Variants in KIAA1958 observed in about 807,000 individuals in gnomAD.
KIAA1958 encodes KIAA1958, also known as uncharacterized protein KIAA1958.
Under a neutral mutation model 47.2 loss-of-function variants are expected in KIAA1958, and 14 were observed. The ratio of observed to expected loss-of-function variants is 0.30; its 90% confidence interval spans 0.20 to 0.46. The LOEUF (loss-of-function observed/expected upper bound fraction) is 0.46, where lower values mean the gene tolerates loss of function less well. KIAA1958 is among the 20% of genes least tolerant of loss of function. The pLI is 1.00. For missense variants in KIAA1958, 803 were observed against 909.2 expected, an observed-to-expected ratio of 0.88 and a Z score of 1.50; for synonymous variants, 354 against 353.3, an observed-to-expected ratio of 1.00 and a Z score of -0.02.
At chr9:112,542,546 A>G (rs145416658) in intron 1 of KIAA1958, among the ~76,000 whole-genome samples, 18 of 152,366 alleles carry the variant, frequency 1.2e-4, no homozygotes, top group African/African-American at 4.1e-4. Flanking sequence ...AAATCCTGCT[A>G]TGAAGCAGAG....
chr9:112,490,954 C>T lies in KIAA1958; in HGVS notation c.-25+3836C>T, dbSNP rs187018479. Among the ~76,000 whole-genome samples, 116 of 152,288 alleles carry T rather than the reference C, an allele frequency of 7.6e-4. 2 individuals carry two copies. The highest frequency in any genetic ancestry group is 2.5e-3 in the South Asian group (12 of 4,830). On this transcript the variant is annotated intron_variant, in intron 1 of 3. Coordinates refer to ENST00000337530, the MANE Select transcript of KIAA1958 (RefSeq NM_133465.4). ...TTATGTATCAAAAGAAATTATACAA[C>T]TTTGATGTGAGATATAACATTATGT...
At chr9:112,549,343 A>G (rs1835099866) in intron 1 of KIAA1958, among the ~76,000 whole-genome samples, 1 of 152,192 alleles carries the variant, frequency 6.6e-6, no homozygotes, top group African/African-American at 2.4e-5. Context: ...TCTCCGTACT[A>G]TTACAAATTA....
intron 1 of KIAA1958, among the ~76,000 whole-genome samples, chr9:112,572,333 T>C (rs1408154237): frequency 2.0e-5 from 3 of 151,988 alleles, no homozygotes; most frequent in African/African-American, 7.3e-5. Flanking sequence ...TCATTCATTC[T>C]TCATTCATTT....
intron 2 of KIAA1958, among the ~76,000 whole-genome samples, chr9:112,611,784 G>A (rs1335186623): frequency 2.6e-5 from 4 of 151,960 alleles, no homozygotes; most frequent in African/African-American, 9.7e-5. Context: ...GGAATGTTCT[G>A]AAATAATAGA....
intron 2 of KIAA1958, among the ~76,000 whole-genome samples, chr9:112,622,465 T>C (rs894053957): frequency 2.0e-5 from 3 of 152,224 alleles, no homozygotes; most frequent in African/African-American, 7.2e-5. Flanking sequence ...TTGAAAACCA[T>C]AGATGCTAGC....
At position 112,647,086 on chromosome 9, in the gene KIAA1958, G is replaced by A. The variant is rs79165164; in HGVS notation, c.1344+1264G>A. On this transcript the variant is annotated intron_variant, in intron 3 of 3. Transcript: ENST00000337530. ...AGATGAAATAGGACAGGAAACCCAGGTTTCTACTTCTGGCACCATGGTACA... is the reference window on the plus strand; with the variant it reads ...AGATGAAATAGGACAGGAAACCCAGATTTCTACTTCTGGCACCATGGTACA... 7.6e-3 allele frequency among the ~76,000 whole-genome samples: 1,151 copies of A among 152,040 alleles called. 21 individuals carry two copies. Among genetic ancestry groups the A allele is most frequent in the South Asian group, 0.06 (287 of 4,814 alleles).
At chr9:112,657,886 C>G (rs1332963418) in intron 3 of KIAA1958, among the ~76,000 whole-genome samples, 1 of 148,050 alleles carries the variant, frequency 6.8e-6, no homozygotes, top group East Asian at 2.0e-4. Context: ...GACAGAGTTT[C>G]GCTCTTGTCA....
At chr9:112,563,085 C>CTCTCTATA (rs10655286) in intron 1 of KIAA1958, among the ~76,000 whole-genome samples, 30,366 of 131,190 alleles carry the variant, frequency 0.23, 3,632 homozygotes, top group Non-Finnish European at 0.26. Context: ...CTCTCTCTCT[C>CTCTCTATA]TATATATATA....
intron 1 of KIAA1958, among the ~76,000 whole-genome samples, chr9:112,491,566 T>C (rs1833970455): frequency 6.6e-6 from 1 of 151,782 alleles, no homozygotes; most frequent in Non-Finnish European, 1.5e-5. Context: ...TTGTTTTTTT[T>C]GTTTTTTTTT....
intron 3 of KIAA1958, among the ~76,000 whole-genome samples, chr9:112,657,906 G>T (rs1315476979): frequency 1.3e-5 from 2 of 151,380 alleles, no homozygotes; most frequent in East Asian, 3.9e-4. Flanking sequence ...ACCCAGGCTG[G>T]AGTGCAGTGG....
intron 2 of KIAA1958, among the ~76,000 whole-genome samples, chr9:112,604,532 C>T (rs1486257083): frequency 6.6e-6 from 1 of 152,078 alleles, no homozygotes; most frequent in Non-Finnish European, 1.5e-5. Flanking sequence ...TCACCTATAC[C>T]TTCTTTAAGA....
At chr9:112,502,747 T>A (rs1834164423) in intron 1 of KIAA1958, among the ~76,000 whole-genome samples, 1 of 152,260 alleles carries the variant, frequency 6.6e-6, no homozygotes, top group African/African-American at 2.4e-5. Context: ...ATTGGCAGAA[T>A]TGAGTAGTTA....
chr9:112,489,922 G>A (rs1279063680), intron 1 of KIAA1958, among the ~76,000 whole-genome samples: 2 of 152,192 alleles, frequency 1.3e-5, no homozygotes, highest in Admixed American at 6.5e-5. Context: ...GTTTTCATTA[G>A]CAATAAATGG....
chr9:112,658,066 A>G (rs111907869), intron 3 of KIAA1958, among the ~76,000 whole-genome samples: 4,344 of 152,266 alleles, frequency 0.029, 224 homozygotes, highest in African/African-American at 0.1. Flanking sequence ...CATGTTGGCC[A>G]GGCTGGTCTT....
intron 1 of KIAA1958, among the ~76,000 whole-genome samples, chr9:112,545,669 A>G (rs1371029710): frequency 6.6e-6 from 1 of 152,086 alleles, no homozygotes; most frequent in Non-Finnish European, 1.5e-5. Flanking sequence ...GAGTTTTTCT[A>G]CTTACAGAGC....
rs1165529957 is a variant in KIAA1958, at chr9:112,666,622, A to G, written c.*6553A>G. 6.6e-5 allele frequency: 10 copies of G among 152,248 alleles called. No individual in the cohort carries two copies. The highest frequency in any genetic ancestry group is 3.3e-4 in the Admixed American group (5 of 15,280). The allele number at this position is 152,248 out of a possible 1,614,324, so 9.4% of individuals were successfully genotyped here. ...AGGCCAAATCTCAATTCTAGAATCTAGAAGGAATTGATGTAATTTATGAGG... is the reference window on the plus strand; with the variant it reads ...AGGCCAAATCTCAATTCTAGAATCTGGAAGGAATTGATGTAATTTATGAGG... On this transcript the variant is annotated 3_prime_UTR_variant, in exon 4 of 4. Coordinates refer to ENST00000337530, the MANE Select transcript of KIAA1958 (RefSeq NM_133465.4).
intron 1 of KIAA1958, 124 bp from the exon 2 acceptor site, chr9:112,573,933 G>T (rs950897712): frequency 9.0e-6 from 5 of 553,754 alleles, no homozygotes; most frequent in African/African-American, 7.5e-5. Context: ...ACCTTAACTA[G>T]ATTCAGTTTT....
In KIAA1958 at chr9:112,495,473, A is replaced by C. The variant is rs367977072; in HGVS notation, c.-25+8355A>C. 2.6e-5 allele frequency among the ~76,000 whole-genome samples: 4 copies of C among 152,348 alleles called. No individual in the cohort carries two copies. In the East Asian group the frequency reaches 7.7e-4, roughly 29 times the overall value. ...TCAATTAAAATAAAAATGAGGTACCATTGTACACTCACTAGAATGGCTAAA... is the reference window on the plus strand; with the variant it reads ...TCAATTAAAATAAAAATGAGGTACCCTTGTACACTCACTAGAATGGCTAAA... On this transcript the variant is annotated intron_variant, in intron 1 of 3. Coordinates refer to ENST00000337530, the MANE Select transcript of KIAA1958 (RefSeq NM_133465.4).
chr9:112,560,220 A>C (rs1382260225), intron 1 of KIAA1958, among the ~76,000 whole-genome samples: 1 of 130,512 alleles, frequency 7.7e-6, no homozygotes, highest in African/African-American at 3.0e-5. Flanking sequence ...TTTTTTGAAG[A>C]GATAGGGTCT....
Sources: gnomAD v4.1 joint callset for allele counts (sites outside exome capture counted in the v4.1 genomes callset) on GRCh38, gnomAD v4.1.1 for gene constraint, MANE v1.5 for transcripts, NCBI Gene and HGNC (gene_info 2026-07-23, HGNC 2026-07-21) for gene names.